The following PTPRK variants were observed in gnomAD, a reference collection of about 807,000 sequenced individuals.
PTPRK encodes the protein protein tyrosine phosphatase receptor type K, also known as receptor-type tyrosine-protein phosphatase kappa.
A neutral mutation model predicts 178.0 loss-of-function variants in PTPRK; 75 were observed. The ratio of observed to expected loss-of-function variants is 0.42; its 90% CI spans 0.35 to 0.51. The LOEUF (loss-of-function observed/expected upper bound fraction) is 0.51. Ranked by LOEUF, PTPRK falls within the 20% of genes least tolerant of loss-of-function variation. PTPRK has a pLI of 0.02. For synonymous variants in PTPRK, 637 were observed against 620.6 expected, an observed-to-expected ratio of 1.03 and a Z score of -0.39; for missense variants, 1,441 against 1,797.8, an observed-to-expected ratio of 0.80 and a Z score of 3.59.
intron 1 of PTPRK, among the ~76,000 whole-genome samples, chr6:128,479,859 C>A (rs1045881544): frequency 8.5e-5 from 13 of 152,212 alleles, no homozygotes; most frequent in African/African-American, 2.6e-4. Flanking sequence ...TTATAATCTT[C>A]ATTTCCTCCA....
intron 3 of PTPRK, among the ~76,000 whole-genome samples, chr6:128,280,171 C>T (rs1821445012): frequency 6.6e-6 from 1 of 152,132 alleles, no homozygotes; most frequent in African/African-American, 2.4e-5. Context: ...ATCTCCTCCT[C>T]CAGCTCTCAA....
At chr6:128,491,473 A>C (rs1382278318) in intron 1 of PTPRK, among the ~76,000 whole-genome samples, 1 of 152,230 alleles carries the variant, frequency 6.6e-6, no homozygotes, top group Non-Finnish European at 1.5e-5. Flanking sequence ...GCTGATAAAG[A>C]ATGCGGAAAG....
chr6:128,321,772 A>G (rs1202756545), intron 3 of PTPRK: 4 of 699,654 alleles, frequency 5.7e-6, no homozygotes, highest in Admixed American at 4.2e-5. Flanking sequence ...ATTTTAACAC[A>G]TAGAAATACT....
At chr6:127,980,142 C>T (rs1775126194) in intron 25 of PTPRK, among the ~76,000 whole-genome samples, 1 of 152,190 alleles carries the variant, frequency 6.6e-6, no homozygotes, top group Admixed American at 6.5e-5. Context: ...GAAACCCCAT[C>T]TCTACTAAAT....
At chr6:128,389,425 G>T (rs7383189) in intron 2 of PTPRK, among the ~76,000 whole-genome samples, 138,821 of 147,084 alleles carry the variant, frequency 0.94, 65,486 homozygotes, top group East Asian at 1. Context: ...TTTTTTTGTT[G>T]TGTGTGTGTG....
chr6:128,223,676 T>C (rs773121802), intron 5 of PTPRK, among the ~76,000 whole-genome samples: 2 of 152,198 alleles, frequency 1.3e-5, no homozygotes, highest in Non-Finnish European at 2.9e-5. Context: ...AGCACCTCCA[T>C]GTACCTTATA....
intron 3 of PTPRK, among the ~76,000 whole-genome samples, chr6:128,282,129 G>A (rs1421847285): frequency 6.6e-6 from 1 of 152,050 alleles, no homozygotes; most frequent in East Asian, 1.9e-4. Context: ...AAGCATCTTA[G>A]GACTATACAT....
intron 7 of PTPRK, among the ~76,000 whole-genome samples, chr6:128,182,063 A>G (rs1307701477): frequency 6.6e-6 from 1 of 152,120 alleles, no homozygotes; most frequent in African/African-American, 2.4e-5. Context: ...CCTTATGAGG[A>G]CATTAATTAG....
chr6:128,026,203 C>T (rs1459054403), intron 13 of PTPRK, among the ~76,000 whole-genome samples: 1 of 152,156 alleles, frequency 6.6e-6, no homozygotes, highest in African/African-American at 2.4e-5. Flanking sequence ...ACAACATCTT[C>T]TCTTCATGTT....
chr6:128,196,133 T>C (rs1804815588), intron 6 of PTPRK, among the ~76,000 whole-genome samples: 1 of 151,984 alleles, frequency 6.6e-6, no homozygotes, highest in Non-Finnish European at 1.5e-5. Flanking sequence ...GAAAGGCAGG[T>C]TTTCATGGGC....
chr6:128,018,286 A>C (rs982477508), intron 13 of PTPRK, among the ~76,000 whole-genome samples: 1 of 152,132 alleles, frequency 6.6e-6, no homozygotes, highest in Non-Finnish European at 1.5e-5. Context: ...TGCTACTTAT[A>C]TAAGAGCATT....
intron 7 of PTPRK, among the ~76,000 whole-genome samples, chr6:128,162,336 C>T (rs1420336928): frequency 1.3e-5 from 2 of 151,326 alleles, no homozygotes; most frequent in African/African-American, 4.8e-5. Flanking sequence ...TTGTTTTGTC[C>T]TCTGTGTCTT....
chr6:128,022,902 T>C (rs1773741954), intron 13 of PTPRK, among the ~76,000 whole-genome samples: 2 of 152,220 alleles, frequency 1.3e-5, no homozygotes, highest in South Asian at 4.1e-4. Context: ...AGTTTACACA[T>C]ACTTAGTAGG....
chr6:128,122,629 C>G (rs1173474806), intron 7 of PTPRK, among the ~76,000 whole-genome samples: 1 of 152,104 alleles, frequency 6.6e-6, no homozygotes, highest in African/African-American at 2.4e-5. Context: ...ATGCTGTTAA[C>G]ACTGGGAGGA....
intron 6 of PTPRK, among the ~76,000 whole-genome samples, chr6:128,204,984 T>C (rs1465003127): frequency 6.6e-6 from 1 of 152,176 alleles, no homozygotes; most frequent in Non-Finnish European, 1.5e-5. Flanking sequence ...GCAGCACTAT[T>C]CGCAATAGCA....
intron 11 of PTPRK, among the ~76,000 whole-genome samples, chr6:128,075,660 C>T (rs1051341550): frequency 6.6e-6 from 1 of 151,996 alleles, no homozygotes; most frequent in African/African-American, 2.4e-5. Flanking sequence ...CAGCTCAGCT[C>T]TTGGCACATA....
At chr6:128,127,209 T>C (rs1181208843) in intron 7 of PTPRK, among the ~76,000 whole-genome samples, 1 of 152,216 alleles carries the variant, frequency 6.6e-6, no homozygotes, top group Admixed American at 6.5e-5. Flanking sequence ...ATTCCTGAAA[T>C]TGGTTAACTG....
intron 1 of PTPRK, among the ~76,000 whole-genome samples, chr6:128,420,560 G>A (rs1196911839): frequency 6.6e-6 from 1 of 152,092 alleles, no homozygotes; most frequent in Non-Finnish European, 1.5e-5. Flanking sequence ...AGAAGCCCGG[G>A]CATAGAAACA....
intron 3 of PTPRK, among the ~76,000 whole-genome samples, chr6:128,285,471 C>T (rs1354886471): frequency 4.0e-5 from 6 of 150,498 alleles, no homozygotes; most frequent in African/African-American, 1.2e-4. Context: ...GCTGAGATTG[C>T]ACCACTGCAC....
Sources: gnomAD v4.1 joint callset for allele counts (sites outside exome capture counted in the v4.1 genomes callset) on GRCh38, gnomAD v4.1.1 for gene constraint, MANE v1.5 for transcripts, NCBI Gene and HGNC (gene_info 2026-07-23, HGNC 2026-07-21) for gene names.